Variants in FNBP1 observed in about 807,000 individuals in gnomAD.
The protein encoded by FNBP1 is formin binding protein 1, also known as formin-binding protein 1.
FNBP1 carries 26 observed loss-of-function variants against 90.6 expected under a neutral mutation model. The ratio of observed to expected loss-of-function variants is 0.29; its 90% CI spans 0.21 to 0.40. FNBP1 has a LOEUF of 0.40. Among genes scored for constraint, FNBP1 ranks in the 10% least tolerant of loss-of-function variants. The pLI is 1.00. For synonymous variants in FNBP1, 260 were observed against 265.2 expected (o/e 0.98, Z 0.19); for missense variants, 635 against 768.0 (o/e 0.83, Z 2.05).
chr9:129,957,504 C>T lies in FNBP1; in HGVS notation c.409-40G>A. ...AAATAATTATGAAACCATAAGAGTC[C>T]TACGAGAAGATGTAATTTTATCTAA... On this transcript the variant is annotated intron_variant, in intron 5 of 16. Transcript: ENST00000446176. This position sits in a 1 kb window ranked among gnomAD's most constrained non-coding sequence, Gnocchi z 4.3. 1 of 1,409,676 alleles carries T rather than the reference C, an allele frequency of 7.1e-7. No homozygotes were observed. Among genetic ancestry groups the T allele is most frequent in the Non-Finnish European group, 1.0e-6 (1 of 1,003,790 alleles). The allele number at this position is 1,409,676 out of a possible 1,614,324, so 87.3% of individuals were successfully genotyped here.
chr9:130,040,992 C>A, intron 1 of FNBP1, among the ~76,000 whole-genome samples: 1 of 145,918 alleles, frequency 6.9e-6, no homozygotes, highest in Non-Finnish European at 1.5e-5. Flanking sequence ...TTTCTTTTTT[C>A]TTTTTTCTTT....
intron 1 of FNBP1, among the ~76,000 whole-genome samples, chr9:130,025,788 G>T (rs1311524427): frequency 6.6e-6 from 1 of 152,212 alleles, no homozygotes; most frequent in Non-Finnish European, 1.5e-5. Context: ...GCCGGGCGTG[G>T]TGGCACATGC....
Position 129,889,380 on chromosome 9 carries a change from A to C in FNBP1, c.*1159T>G. On this transcript the variant is annotated 3_prime_UTR_variant, in exon 17 of 17. Coordinates refer to ENST00000446176, the MANE Select transcript of FNBP1 (RefSeq NM_015033.3). ...AGGTCAGGAGTTTGAGACCAGCCTG[A>C]CCAACACGGTGAAACCCTGTCTCTA... 5.6e-6 allele frequency: 1 copy of C among 179,898 alleles called. No individual in the cohort carries two copies. Among genetic ancestry groups the C allele is most frequent in the Non-Finnish European group, 1.2e-5 (1 of 84,066 alleles). The allele number at this position is 179,898 out of a possible 1,614,324, so 11.1% of individuals were successfully genotyped here. A position where few individuals can be genotyped will look rare whatever the true frequency, so the allele number is the denominator to read the frequency against.
At chr9:130,034,508 T>C (rs1290289556) in intron 1 of FNBP1, among the ~76,000 whole-genome samples, 1 of 152,066 alleles carries the variant, frequency 6.6e-6, no homozygotes, top group Non-Finnish European at 1.5e-5. Flanking sequence ...TCAATTTCCT[T>C]AAAAATAGTT....
intron 11 of FNBP1, among the ~76,000 whole-genome samples, chr9:129,912,648 ACTGCGCACTCCAGCCT>A (rs2131616941): frequency 6.8e-6 from 1 of 146,094 alleles, no homozygotes; most frequent in Non-Finnish European, 1.5e-5. Flanking sequence ...AGATTGCGCT[ACTGCGCACTCCAGCCT>A]GGACAACATG....
chr9:130,038,557 C>T (rs891782999), intron 1 of FNBP1, among the ~76,000 whole-genome samples: 2 of 151,670 alleles, frequency 1.3e-5, no homozygotes, highest in Non-Finnish European at 2.9e-5. Flanking sequence ...CCACCACGCC[C>T]GGCTAATTTT....
At chr9:129,913,886 AG>A (rs1021394236) in intron 11 of FNBP1, among the ~76,000 whole-genome samples, 4 of 52,370 alleles carry the variant, frequency 7.6e-5, no homozygotes, top group South Asian at 1.0e-3. Context: ...TTTGTTTTAT[AG>A]TTTTTTTTTT....
intron 6 of FNBP1, among the ~76,000 whole-genome samples, chr9:129,949,619 G>C (rs1220055633): frequency 6.6e-6 from 1 of 152,060 alleles, no homozygotes; most frequent in Non-Finnish European, 1.5e-5. Flanking sequence ...GCCAGACTTA[G>C]GGAAGCAGAG....
At chr9:130,013,626 C>T (rs938600193) in intron 1 of FNBP1, 2 of 445,178 alleles carry the variant, frequency 4.5e-6, no homozygotes, top group African/African-American at 2.0e-5. Flanking sequence ...CTCATGTGCA[C>T]CAAGAGACAT....
At chr9:129,898,112 G>A (rs1056660230) in intron 15 of FNBP1, among the ~76,000 whole-genome samples, 6 of 152,156 alleles carry the variant, frequency 3.9e-5, no homozygotes, top group African/African-American at 1.2e-4. Flanking sequence ...TTACAGGCGT[G>A]AGCCACCATG....
At chr9:130,053,866 C>G in the FNBP1 span, 2 of 1,487,480 alleles carry the variant, frequency 1.3e-6, no homozygotes, top group African/African-American at 2.8e-5. Flanking sequence ...CGGGCCCTTC[C>G]GGCGGCTGCG....
At chr9:129,935,610 C>G (rs989334462) in intron 6 of FNBP1, among the ~76,000 whole-genome samples, 5 of 152,146 alleles carry the variant, frequency 3.3e-5, no homozygotes, top group Non-Finnish European at 7.3e-5. Flanking sequence ...GCCTCAACCT[C>G]CTGAGTAGCT....
chr9:130,040,093 T>C (rs2059687141), intron 1 of FNBP1, among the ~76,000 whole-genome samples: 1 of 152,230 alleles, frequency 6.6e-6, no homozygotes, highest in Non-Finnish European at 1.5e-5. Context: ...GGCTACCCAA[T>C]GTACCGCACA....
intron 15 of FNBP1, among the ~76,000 whole-genome samples, chr9:129,898,012 T>G (rs1233469239): frequency 6.6e-6 from 1 of 152,010 alleles, no homozygotes; most frequent in African/African-American, 2.4e-5. Context: ...GTATTTTTAG[T>G]AGAGACGGGG....
At chr9:129,944,242 CCTAGAATGT>C (rs1422056211) in intron 6 of FNBP1, among the ~76,000 whole-genome samples, 4 of 151,748 alleles carry the variant, frequency 2.6e-5, no homozygotes, top group Non-Finnish European at 5.9e-5. Flanking sequence ...GCCCAGAATG[CCTAGAATGT>C]TAAAAATATG....
chr9:129,987,660 G>A (rs1473445895), intron 2 of FNBP1, among the ~76,000 whole-genome samples: 7 of 151,726 alleles, frequency 4.6e-5, no homozygotes, highest in East Asian at 1.9e-4. Context: ...AGGAGCGCCC[G>A]GCTAATTTTT....
intron 2 of FNBP1, among the ~76,000 whole-genome samples, chr9:129,981,421 G>T (rs1589051038): frequency 6.6e-6 from 1 of 152,176 alleles, no homozygotes; most frequent in Non-Finnish European, 1.5e-5. Flanking sequence ...AACTCCATGT[G>T]TCAGCATCTC....
intron 6 of FNBP1, among the ~76,000 whole-genome samples, chr9:129,953,997 A>C (rs1564420249): frequency 6.6e-6 from 1 of 152,036 alleles, no homozygotes; most frequent in Non-Finnish European, 1.5e-5. Context: ...TGGGCAACAT[A>C]GTGAGATCCC....
At chr9:130,037,620 T>C (rs1269056410) in intron 1 of FNBP1, among the ~76,000 whole-genome samples, 2 of 152,146 alleles carry the variant, frequency 1.3e-5, no homozygotes, top group Admixed American at 1.3e-4. Context: ...AGGGATAATT[T>C]TTCAAACCCT....
Sources: allele counts gnomAD v4.1 joint callset (sites outside exome capture counted in the v4.1 genomes callset), GRCh38; gene constraint gnomAD v4.1.1; non-coding constraint Gnocchi (gnomAD v3.1); transcripts MANE v1.5; gene names NCBI Gene and HGNC (gene_info 2026-07-23, HGNC 2026-07-21).